Variants in MARCHF1 observed in about 807,000 individuals in gnomAD.
MARCHF1 encodes membrane associated ring-CH-type finger 1.
MARCHF1 carries 40 observed loss-of-function variants against 54.2 expected under a neutral mutation model. The ratio of observed to expected loss-of-function variants is 0.74; its 90% CI spans 0.57 to 0.96. MARCHF1 has a LOEUF of 0.96. Among genes scored for constraint, MARCHF1 ranks in the 40% least tolerant of loss-of-function variants. The probability of loss-of-function intolerance (pLI) is 0.00; values close to 1 mark genes in which losing one functional copy is unlikely to be tolerated. For synonymous variants in MARCHF1, 236 were observed against 236.3 expected, an observed-to-expected ratio of 1.00 and a Z score of 0.01; for missense variants, 586 against 656.5, an observed-to-expected ratio of 0.89 and a Z score of 1.17.
At chr4:163,795,919 A>C (rs1747901281) in intron 4 of MARCHF1, among the ~76,000 whole-genome samples, 1 of 152,196 alleles carries the variant, frequency 6.6e-6, no homozygotes, top group Non-Finnish European at 1.5e-5. Context: ...GGTATCTTAC[A>C]ATAAAGTAAG....
chr4:164,121,033 CA>C (rs201654940), intron 1 of MARCHF1, among the ~76,000 whole-genome samples: 1,764 of 151,704 alleles, frequency 0.012, 39 homozygotes, highest in African/African-American at 0.041. Flanking sequence ...ATCAAGGAAA[CA>C]AAAAGTTGTT....
chr4:164,259,843 T>G (rs1733413289), intron 1 of MARCHF1, among the ~76,000 whole-genome samples: 1 of 152,196 alleles, frequency 6.6e-6, no homozygotes, highest in South Asian at 2.1e-4. Flanking sequence ...CTAAACCATT[T>G]GCAGTTGTCT....
At chr4:164,234,410 A>G (rs557054932) in intron 1 of MARCHF1, among the ~76,000 whole-genome samples, 2 of 152,284 alleles carry the variant, frequency 1.3e-5, no homozygotes, top group Admixed American at 1.3e-4. Flanking sequence ...TTTTAAAATA[A>G]GACATGGCCA....
At chr4:163,543,829 C>T (rs531897451) in intron 9 of MARCHF1, among the ~76,000 whole-genome samples, 9 of 152,124 alleles carry the variant, frequency 5.9e-5, no homozygotes, top group Admixed American at 2.0e-4. Flanking sequence ...CTTACATCTA[C>T]GAGAAGGGCT....
intron 1 of MARCHF1, among the ~76,000 whole-genome samples, chr4:164,337,654 C>A (rs570723649): frequency 6.6e-5 from 10 of 152,324 alleles, no homozygotes; most frequent in African/African-American, 2.4e-4. Flanking sequence ...CCTACAGACA[C>A]CCTCAATGGT....
chr4:164,092,349 G>A (rs988274257), intron 2 of MARCHF1, among the ~76,000 whole-genome samples: 2 of 152,112 alleles, frequency 1.3e-5, no homozygotes, highest in Admixed American at 1.3e-4. Context: ...TCACTATCAT[G>A]TATCCCACAC....
intron 2 of MARCHF1, among the ~76,000 whole-genome samples, chr4:164,007,896 A>G (rs1753332084): frequency 6.6e-6 from 1 of 152,176 alleles, no homozygotes; most frequent in African/African-American, 2.4e-5. Context: ...GGAAGAGAGT[A>G]AGAAGGAAGA....
intron 7 of MARCHF1, among the ~76,000 whole-genome samples, chr4:163,610,077 A>C (rs922037989): frequency 1.3e-5 from 2 of 151,694 alleles, no homozygotes; most frequent in Admixed American, 1.3e-4. Flanking sequence ...CGTAAATTCT[A>C]TTTTTCTCAG....
intron 4 of MARCHF1, among the ~76,000 whole-genome samples, chr4:163,851,795 G>A (rs972984343): frequency 6.6e-6 from 1 of 152,114 alleles, no homozygotes; most frequent in African/African-American, 2.4e-5. Context: ...GCCCATGCTC[G>A]ATGTTCCACA....
intron 3 of MARCHF1, among the ~76,000 whole-genome samples, chr4:163,876,239 G>C (rs1359057209): frequency 2.6e-5 from 4 of 152,060 alleles, no homozygotes; most frequent in Non-Finnish European, 5.9e-5. Flanking sequence ...ACAAATTGTA[G>C]AATTACTATG....
intron 4 of MARCHF1, among the ~76,000 whole-genome samples, chr4:163,804,079 T>G (rs1218360928): frequency 6.6e-6 from 1 of 152,178 alleles, no homozygotes; most frequent in East Asian, 1.9e-4. Flanking sequence ...AGCTCTTGAG[T>G]CAAATAGATC....
At chr4:164,245,703 A>C (rs1732929075) in intron 1 of MARCHF1, among the ~76,000 whole-genome samples, 1 of 151,450 alleles carries the variant, frequency 6.6e-6, no homozygotes, top group Non-Finnish European at 1.5e-5. Context: ...AGAAAACCCC[A>C]TCGTCTCAGC....
intron 5 of MARCHF1, among the ~76,000 whole-genome samples, chr4:163,674,936 G>T (rs925387832): frequency 6.6e-6 from 1 of 152,094 alleles, no homozygotes; most frequent in Non-Finnish European, 1.5e-5. Flanking sequence ...TAATTTGCAA[G>T]ATAATGTTGA....
chr4:164,094,357 T>G (rs1220158660), intron 2 of MARCHF1, among the ~76,000 whole-genome samples: 1 of 152,108 alleles, frequency 6.6e-6, no homozygotes, highest in Non-Finnish European at 1.5e-5. Flanking sequence ...AAGACTGAAA[T>G]GACAGGGACA....
chr4:163,599,158 G>A (rs1464140472), intron 7 of MARCHF1, among the ~76,000 whole-genome samples: 9 of 151,912 alleles, frequency 5.9e-5, no homozygotes, highest in South Asian at 2.1e-4. Context: ...GCGTGGTGGC[G>A]GGCGCCTGTA....
chr4:163,990,747 C>T (rs113528533), intron 2 of MARCHF1, among the ~76,000 whole-genome samples: 11 of 152,014 alleles, frequency 7.2e-5, no homozygotes, highest in Non-Finnish European at 1.5e-4. Flanking sequence ...TAAGAGAATG[C>T]TGGAAATAGA....
chr4:163,910,028 C>A (rs1042198079), intron 3 of MARCHF1, among the ~76,000 whole-genome samples: 2 of 152,132 alleles, frequency 1.3e-5, no homozygotes, highest in Admixed American at 1.3e-4. Flanking sequence ...TTGTATCTCA[C>A]CTAGGACATT....
rs1733753007 is a variant in MARCHF1 at position 164,271,870 on chromosome 4, A to C, written c.-323+112000T>G. Among the ~76,000 whole-genome samples, 3 of 152,172 alleles carry C rather than the reference A, an allele frequency of 2.0e-5. No individual in the cohort carries two copies. In the South Asian group the frequency reaches 6.2e-4, roughly 31 times the overall value. On this transcript the variant is annotated intron_variant, in intron 1 of 9. Coordinates refer to ENST00000514618, the MANE Select transcript of MARCHF1 (RefSeq NM_001394959.1). ...ATGATATCATAAGGTGACAAATCATAAACTGTAATACTTGCAACATATATA... is the reference window on the plus strand; with the variant it reads ...ATGATATCATAAGGTGACAAATCATCAACTGTAATACTTGCAACATATATA...
chr4:163,931,063 T>C (rs1751662098), intron 3 of MARCHF1, among the ~76,000 whole-genome samples: 1 of 152,032 alleles, frequency 6.6e-6, no homozygotes. Flanking sequence ...TTGCTGGCTT[T>C]CTAAGAAGAA....
Sources: allele counts gnomAD v4.1 joint callset (sites outside exome capture counted in the v4.1 genomes callset), GRCh38; gene constraint gnomAD v4.1.1; transcripts MANE v1.5; gene names NCBI Gene and HGNC (gene_info 2026-07-23, HGNC 2026-07-21).